RBM15: variants seen among roughly 807,000 people sequenced by gnomAD.
RBM15 encodes RNA-binding protein 15.
A neutral mutation model predicts 62.6 loss-of-function variants in RBM15; 8 were observed. That is an observed-to-expected ratio of 0.13 (90% CI 0.07 to 0.23). The LOEUF is 0.23. Ranked by LOEUF, RBM15 falls within the 10% of genes least tolerant of loss-of-function variation. The pLI is 1.00. For missense variants in RBM15, 1,144 were observed against 1,286.5 expected, an observed-to-expected ratio of 0.89 and a Z score of 1.69; for synonymous variants, 606 against 505.7, an observed-to-expected ratio of 1.20 and a Z score of -2.66.
In RBM15 at chr1:110,341,038, CATT is replaced by C. The variant is rs754188605; in HGVS notation, c.1636_1638del (p.Tyr546del). ...GTATCTGCAGCCTCTGCCCTTGACT[CATT>C]ATGAGCTGGTGACAGATGCTTTTGG... On this transcript the variant is annotated inframe_deletion, in exon 1 of 3. Coordinates refer to ENST00000369784, the MANE Select transcript of RBM15 (RefSeq NM_022768.5). This position sits in a 1 kb window ranked among gnomAD's most constrained non-coding sequence, Gnocchi z 4.5. 6.8e-6 allele frequency: 11 copies of C among 1,614,104 alleles called. No homozygotes were observed. The highest frequency in any genetic ancestry group is 9.3e-6 in the Non-Finnish European group (11 of 1,180,052).
chr1:110,346,191 C>A, intron 2 of RBM15, 117 bp from the exon 3 acceptor site: 1 of 1,002,874 alleles, frequency 1.0e-6, no homozygotes, highest in Non-Finnish European at 1.5e-6. Context: ...TGAGGTGAAC[C>A]ATCCAGGAAG....
rs1223136372 is a variant in RBM15, at chr1:110,340,234, G to A, written c.829G>A (p.Val277Ile). The A allele has an allele frequency of 6.2e-7, 1 of 1,614,124 alleles. No homozygotes were observed. The highest frequency in any genetic ancestry group is 1.3e-5 in the African/African-American group (1 of 74,938). Residue 277 changes from valine (V) to isoleucine (I), a missense_variant, in exon 1 of 3, where the codon GTA becomes ATA. This residue lies in a region of RBM15 where 188 missense variants were observed against 185.6 expected (regional missense o/e 1.01). Transcript: ENST00000369784. This position sits in a 1 kb window ranked among gnomAD's most constrained non-coding sequence, Gnocchi z 5.8. The part of the protein sequence containing the change: ...PPSASVVGAS[V>I]GGHRHPPGGG... ...ATCAGCCAGTGTGGTCGGGGCCTCT[G>A]TAGGTGGTCACCGGCACCCCCCTGG...
At chr1:110,342,845 A>T (rs1660830506) in intron 1 of RBM15, among the ~76,000 whole-genome samples, 3 of 152,194 alleles carry the variant, frequency 2.0e-5, no homozygotes. Flanking sequence ...GTTTATTCCC[A>T]GAGAGTTTGC....
intron 2 of RBM15, 55 bp downstream of exon 2, chr1:110,345,704 C>A: frequency 9.2e-7 from 1 of 1,091,138 alleles, no homozygotes; most frequent in Non-Finnish European, 1.3e-6. Flanking sequence ...ATGGTTTAAA[C>A]AGAGTTGAAA....
At chr1:110,344,337 C>G (rs1052685195) in intron 1 of RBM15, among the ~76,000 whole-genome samples, 1 of 152,116 alleles carries the variant, frequency 6.6e-6, no homozygotes, top group Admixed American at 6.6e-5. Context: ...GAGTGAAGTC[C>G]ATGACATCTA....
chr1:110,345,183 T>C (rs1441734298), intron 1 of RBM15, among the ~76,000 whole-genome samples: 1 of 152,210 alleles, frequency 6.6e-6, no homozygotes, highest in Admixed American at 6.5e-5. Flanking sequence ...AGGTAAAATA[T>C]ACTCTGGCCC....
At chr1:110,346,247 A>G (rs1016913055) in intron 2 of RBM15, 61 bp from the exon 3 acceptor site, 2 of 1,500,472 alleles carry the variant, frequency 1.3e-6, no homozygotes, top group African/African-American at 1.4e-5. Flanking sequence ...GGGGAAATAT[A>G]TATATTTTTA....
rs375984907 is a variant in RBM15, at chr1:110,340,028, C to T, written c.623C>T (p.Ser208Leu). Residue 208 changes from serine to leucine, a missense_variant, in exon 1 of 3, where the codon TCG becomes TTG. Transcript: ENST00000369784. This position sits in a 1 kb window ranked among gnomAD's most constrained non-coding sequence, Gnocchi z 5.8. ...GTAAGTGTGAAAATCAGTCATCTGT[C>T]GGGTTCTGGCAGCGGGGATGAGCGG... Reference protein sequence around the residue: ...GDVSVKISHLSGSGSGDERVA... With the variant: ...GDVSVKISHLLGSGSGDERVA... 1.9e-6 allele frequency: 3 copies of T among 1,613,946 alleles called. No homozygotes were observed. The highest frequency in any genetic ancestry group is 1.6e-4 in the Middle Eastern group (1 of 6,084).
rs147417577 is a variant in RBM15 at position 110,339,876 on chromosome 1, C to T, written c.471C>T (p.Ala157=). ...GGGAGTCACGTTCCTCTGGGGCCGC[C>T]TCCTCAGCTCCCGGCGGCGGGGACG... ...GGGESRSSGA[A]SSAPGGGDGA... Residue 157 remains alanine, a synonymous_variant, in exon 1 of 3, where the codon GCC becomes GCT. Coordinates refer to ENST00000369784, the MANE Select transcript of RBM15 (RefSeq NM_022768.5). The T allele has an allele frequency of 5.6e-5, 89 of 1,603,040 alleles. No homozygotes were observed. In the African/African-American group the frequency reaches 1.1e-3, roughly 19 times the overall value.
chr1:110,339,886 C>T lies in RBM15; in HGVS notation c.481C>T (p.Pro161Ser), dbSNP rs1344770130. Reference sequence around the variant, plus strand: ...TTCCTCTGGGGCCGCCTCCTCAGCTCCCGGCGGCGGGGACGGCGCGGAATA... The same window carrying T: ...TTCCTCTGGGGCCGCCTCCTCAGCTTCCGGCGGCGGGGACGGCGCGGAATA... ...SRSSGAASSAPGGGDGAEYKT... is the reference protein window; with the variant it reads ...SRSSGAASSASGGGDGAEYKT... Residue 161 changes from proline to serine, a missense_variant, in exon 1 of 3, where the codon CCC becomes TCC. Physicochemically the swap from Pro to Ser is moderately conservative, Grantham distance 74. Transcript: ENST00000369784. The T allele has an allele frequency of 6.2e-7, 1 of 1,604,098 alleles. No homozygotes were observed. Among genetic ancestry groups the T allele is most frequent in the Non-Finnish European group, 8.5e-7 (1 of 1,172,136 alleles).
At position 110,340,521 on chromosome 1, in the gene RBM15, T is replaced by A; in HGVS notation, c.1116T>A (p.Ala372=). The change falls in exon 1 of 3, where the codon GCT becomes GCA. Residue 372 remains alanine, a synonymous_variant. Coordinates refer to ENST00000369784, the MANE Select transcript of RBM15 (RefSeq NM_022768.5). This position sits in a 1 kb window ranked among gnomAD's most constrained non-coding sequence, Gnocchi z 5.8. ...DEISPEDDQR[A]NRTLFLGNLD... is the part of the protein sequence containing the mutation. ...TTTCACCCGAGGATGATCAGCGAGC[T>A]AACCGGACGCTCTTCTTGGGCAACC... is the stretch of plus-strand genomic sequence containing the variant. The A allele has an allele frequency of 6.2e-7, 1 of 1,613,844 alleles. No homozygotes were observed. The highest frequency in any genetic ancestry group is 8.5e-7 in the Non-Finnish European group (1 of 1,179,944).
At position 110,340,323 on chromosome 1, in the gene RBM15, G is replaced by A; in HGVS notation, c.918G>A (p.Arg306=). 6.2e-7 allele frequency: 1 copy of A among 1,614,218 alleles called. No individual in the cohort carries two copies. Among genetic ancestry groups the A allele is most frequent in the Non-Finnish European group, 8.5e-7 (1 of 1,180,034 alleles). Residue 306 remains arginine, a synonymous_variant, in exon 1 of 3, where the codon CGG becomes CGA. Transcript: ENST00000369784. This position sits in a 1 kb window ranked among gnomAD's most constrained non-coding sequence, Gnocchi z 5.8. ...CTGCTTTGGGATACAGAGACTACCGGCTGCAGCAGTTGGCTCTTGGCCGCC... is the reference window on the plus strand; with the variant it reads ...CTGCTTTGGGATACAGAGACTACCGACTGCAGCAGTTGGCTCTTGGCCGCC... ...GGAALGYRDY[R]LQQLALGRLP...
chr1:110,343,182 A>G (rs1440409608), intron 1 of RBM15, among the ~76,000 whole-genome samples: 1 of 152,332 alleles, frequency 6.6e-6, no homozygotes. Context: ...GGTTTCAATA[A>G]TAGAAAGAAG....
chr1:110,342,313 A>G (rs367883725), intron 1 of RBM15, 45 bp downstream of exon 1: 426 of 1,477,382 alleles, frequency 2.9e-4, no homozygotes, highest in Middle Eastern at 9.3e-4. Context: ...CTACTTTGAC[A>G]TGGTTCCTGT....
At position 110,341,956 on chromosome 1, in the gene RBM15, G is replaced by A; in HGVS notation, c.2551G>A (p.Val851Ile). The A allele has an allele frequency of 6.2e-7, 1 of 1,614,244 alleles. No homozygotes were observed. Among genetic ancestry groups the A allele is most frequent in the Non-Finnish European group, 8.5e-7 (1 of 1,180,038 alleles). The change falls in exon 1 of 3, where the codon GTA (valine) becomes ATA (isoleucine). Residue 851 changes from valine (V) to isoleucine (I), a missense_variant. By Grantham distance (29) the Val-to-Ile change is conservative. Coordinates refer to ENST00000369784, the MANE Select transcript of RBM15 (RefSeq NM_022768.5). The surrounding 1 kb of genome is among the most constrained non-coding windows in gnomAD (Gnocchi z 4.5). The stretch of plus-strand genomic sequence containing the variant: ...GGATGAAGTAACTCGACGCATCAAA[G>A]TAGCAGGGCCCAATGGTTATGCCAT... The part of the protein sequence containing the change: ...KLDEVTRRIK[V>I]AGPNGYAILL...
rs1660760791 is a variant in RBM15 at position 110,340,068 on chromosome 1, C to T, written c.663C>T (p.Asn221=). Reference sequence around the variant, plus strand: ...GGGATGAGCGGGTAGCCTTTGTGAACTTCCGGCGGCCAGAGGACGCGCGGG... The same window carrying T: ...GGGATGAGCGGGTAGCCTTTGTGAATTTCCGGCGGCCAGAGGACGCGCGGG... ...GSGDERVAFV[N]FRRPEDARAA... Residue 221 remains asparagine, a synonymous_variant, in exon 1 of 3, where the codon AAC becomes AAT. Transcript: ENST00000369784. The surrounding 1 kb of genome is among the most constrained non-coding windows in gnomAD (Gnocchi z 5.8). 6.2e-7 allele frequency: 1 copy of T among 1,613,852 alleles called. No homozygotes were observed. Among genetic ancestry groups the T allele is most frequent in the African/African-American group, 1.3e-5 (1 of 74,920 alleles).
In RBM15 at chr1:110,342,439, T is replaced by A. The variant is rs1193362832; in HGVS notation, c.2863+171T>A. 17 of 507,684 alleles carry A rather than the reference T, an allele frequency of 3.3e-5. No homozygotes were observed. In the Admixed American group the frequency reaches 6.5e-4, roughly 19 times the overall value. 31.4% of individuals were successfully genotyped at this position (507,684 alleles called of 1,614,324 possible). A position where few individuals can be genotyped will look rare whatever the true frequency, so the allele number is the denominator to read the frequency against. Reference sequence around the variant, plus strand: ...CTTTAAAATAGAAATCAGGACAGTTTAGCTATTTTTTTGTTTGTTTAGCTA... The same window carrying A: ...CTTTAAAATAGAAATCAGGACAGTTAAGCTATTTTTTTGTTTGTTTAGCTA... On this transcript the variant is annotated intron_variant, in intron 1 of 2. Transcript: ENST00000369784.
chr1:110,342,887 A>G (rs1660831419), intron 1 of RBM15, among the ~76,000 whole-genome samples: 3 of 152,218 alleles, frequency 2.0e-5, no homozygotes, highest in Non-Finnish European at 4.4e-5. Flanking sequence ...CATTTGTTCT[A>G]GAGTTCTGTA....
In RBM15 at chr1:110,341,240, A is replaced by T; in HGVS notation, c.1835A>T (p.Asp612Val). The T allele has an allele frequency of 6.2e-7, 1 of 1,614,138 alleles. No individual in the cohort carries two copies. The highest frequency in any genetic ancestry group is 8.5e-7 in the Non-Finnish European group (1 of 1,180,024). ...ATSVPAYEPL[D>V]SLDRRRDGWS... is the part of the protein sequence containing the mutation. ...TCTGTGCCTGCTTACGAGCCACTGG[A>T]TAGCCTAGATCGCAGGCGGGATGGT... is the stretch of plus-strand genomic sequence containing the variant. The change falls in exon 1 of 3, where the codon GAT becomes GTT. Residue 612 changes from aspartate (D) to valine (V), a missense_variant. By Grantham distance (152) the Asp-to-Val change is radical. Around this residue, in one of 8 missense-constraint regions of RBM15, gnomAD observed 360 missense variants for 342.9 expected, o/e 1.05. Transcript: ENST00000369784. The surrounding 1 kb of genome is among the most constrained non-coding windows in gnomAD (Gnocchi z 4.5).
Sources: allele counts gnomAD v4.1 joint callset (sites outside exome capture counted in the v4.1 genomes callset), GRCh38; gene constraint gnomAD v4.1.1; regional missense constraint gnomAD v4.1.1; non-coding constraint Gnocchi (gnomAD v3.1); transcripts MANE v1.5; gene names NCBI Gene and HGNC (gene_info 2026-07-23, HGNC 2026-07-21).